Variants in SP3 observed in about 807,000 individuals in gnomAD.
SP3 encodes transcription factor Sp3.
SP3 carries 10 observed loss-of-function variants against 70.3 expected under a neutral mutation model. That is an observed-to-expected ratio of 0.14 (90% CI 0.09 to 0.24). SP3 has a LOEUF of 0.24. Ranked by LOEUF, SP3 falls within the 10% of genes least tolerant of loss-of-function variation. SP3 has a pLI of 1.00. For missense variants in SP3, 825 were observed against 914.6 expected (o/e 0.90, Z 1.26); for synonymous variants, 402 against 333.5 (o/e 1.21, Z -2.24).
At chr2:173,911,842 A>T (rs1192972650) in intron 6 of SP3, among the ~76,000 whole-genome samples, 1 of 113,374 alleles carries the variant, frequency 8.8e-6, no homozygotes, top group Non-Finnish European at 1.8e-5. Flanking sequence ...TTTTTGAGAC[A>T]GGATCTCACT....
chr2:173,927,141 A>G (rs1051335700), intron 4 of SP3, among the ~76,000 whole-genome samples: 8 of 152,090 alleles, frequency 5.3e-5, no homozygotes, highest in African/African-American at 1.9e-4. Context: ...AGACAACACC[A>G]AGGAGGATGG....
intron 4 of SP3, among the ~76,000 whole-genome samples, chr2:173,927,075 G>A (rs76717070): frequency 0.055 from 8,321 of 151,910 alleles, 314 homozygotes; most frequent in Non-Finnish European, 0.082. Context: ...CAGCAAGAGG[G>A]TGGCAAGAGG....
intron 4 of SP3, among the ~76,000 whole-genome samples, chr2:173,930,749 T>G (rs1293279049): frequency 1.3e-5 from 2 of 152,204 alleles, no homozygotes; most frequent in Non-Finnish European, 2.9e-5. Context: ...AATGCCACAG[T>G]TGAAGTTTTT....
At chr2:173,960,545 T>C (rs1691035694) in intron 3 of SP3, among the ~76,000 whole-genome samples, 1 of 152,248 alleles carries the variant, frequency 6.6e-6, no homozygotes, top group Non-Finnish European at 1.5e-5. Context: ...ACAGGTCTTA[T>C]TTTAAATAAT....
intron 4 of SP3, among the ~76,000 whole-genome samples, chr2:173,950,310 G>C (rs1343295247): frequency 6.7e-6 from 1 of 149,370 alleles, no homozygotes; most frequent in Admixed American, 6.6e-5. Flanking sequence ...AAGTTCCAGA[G>C]CCCTGGTTTA....
At chr2:173,930,915 T>C (rs80054885) in intron 4 of SP3, among the ~76,000 whole-genome samples, 200 of 152,280 alleles carry the variant, frequency 1.3e-3, no homozygotes, top group African/African-American at 4.6e-3. Context: ...AAAGGTAAAA[T>C]TAACTTTAAT....
chr2:173,915,607 C>G (rs1689602035), intron 5 of SP3: 1 of 152,096 alleles, frequency 6.6e-6, no homozygotes, highest in Non-Finnish European at 1.5e-5. Flanking sequence ...AGTAAATACA[C>G]TCTCTTCTGC....
At chr2:173,917,472 T>C (rs905552243) in intron 5 of SP3, among the ~76,000 whole-genome samples, 7 of 152,218 alleles carry the variant, frequency 4.6e-5, no homozygotes, top group South Asian at 2.1e-4. Context: ...AACCTCTCTA[T>C]GTCTCACTTC....
At chr2:173,952,589 C>A (rs545379166) in intron 4 of SP3, among the ~76,000 whole-genome samples, 63 of 152,226 alleles carry the variant, frequency 4.1e-4, no homozygotes, top group Non-Finnish European at 6.0e-4. Flanking sequence ...CATTTCCACA[C>A]AAAATACTAC....
chr2:173,961,532 G>A (rs2105506375), intron 3 of SP3, among the ~76,000 whole-genome samples: 1 of 152,332 alleles, frequency 6.6e-6, no homozygotes, highest in Non-Finnish European at 1.5e-5. Flanking sequence ...GGTTAGTAAT[G>A]TCATACCAAT....
Position 173,910,086 on chromosome 2 carries a change from G to T in SP3, c.2201C>A (p.Thr734Lys). The change falls in exon 7 of 7, where the codon ACG (threonine) becomes AAG (lysine). Residue 734 changes from threonine (T) to lysine (K), a missense_variant. Physicochemically the swap from Thr to Lys is moderately conservative, Grantham distance 78. This residue lies in a region of SP3 where 91 missense variants were observed against 97.4 expected (regional missense o/e 0.93). Coordinates refer to ENST00000310015, the MANE Select transcript of SP3 (RefSeq NM_003111.5). ...DDTLITAGGT[T>K]LILANIQQGS... ...TTGTTGAATATTTGCAAGGATAAGC[G>T]TTGTTCCTCCTGCAGTAATCAAAGT... 6.2e-6 allele frequency: 10 copies of T among 1,612,926 alleles called. No individual in the cohort carries two copies. Among genetic ancestry groups the T allele is most frequent in the Non-Finnish European group, 8.5e-6 (10 of 1,179,182 alleles).
rs1161579574 is a variant in SP3 at position 173,954,991 on chromosome 2, A to G, written c.1521T>C (p.Thr507=). 6.2e-7 allele frequency: 1 copy of G among 1,614,202 alleles called. No homozygotes were observed. The highest frequency in any genetic ancestry group is 1.3e-5 in the African/African-American group (1 of 75,062). ...LGQVAAGGAF[T]STPVSLSTGQ... ...CAGTGCTTAGACTAACTGGAGTTGA[A>G]GTGAAGGCTCCACCTGCCGCAACTT... Residue 507 remains threonine (T), a synonymous_variant, in exon 4 of 7, where the codon ACT becomes ACC. Transcript: ENST00000310015.
chr2:173,928,703 CTACCTAAATCATCTCTGCCGTAT>C (rs1574406636), intron 4 of SP3, among the ~76,000 whole-genome samples: 1 of 152,138 alleles, frequency 6.6e-6, no homozygotes, highest in Non-Finnish European at 1.5e-5. Flanking sequence ...CCCGTGTCTG[CTACCTAAATCATCTCTGCCGTAT>C]TACCTATATA....
At position 173,900,839 on chromosome 2, in the gene SP3, G is replaced by A. The variant is rs889697825; in HGVS notation, c.*9102C>T. Among the ~76,000 whole-genome samples, 1 of 152,134 alleles carries A rather than the reference G, an allele frequency of 6.6e-6. No homozygotes were observed. The highest frequency in any genetic ancestry group is 1.5e-5 in the Non-Finnish European group (1 of 68,016). On this transcript the variant is annotated 3_prime_UTR_variant, in exon 7 of 7. Coordinates refer to ENST00000310015, the MANE Select transcript of SP3 (RefSeq NM_003111.5). ...AGACTTGAATTAATGGAGAGATACA[G>A]AATTATCATGGATAGAAAGATAACA... is the stretch of plus-strand genomic sequence containing the variant.
intron 4 of SP3, among the ~76,000 whole-genome samples, chr2:173,930,090 T>C (rs908897670): frequency 1.3e-5 from 2 of 152,194 alleles, no homozygotes; most frequent in African/African-American, 2.4e-5. Flanking sequence ...ATACCTTTAG[T>C]CTCTTTTCCC....
chr2:173,933,354 C>A (rs1290335585), intron 4 of SP3, among the ~76,000 whole-genome samples: 1 of 152,010 alleles, frequency 6.6e-6, no homozygotes, highest in African/African-American at 2.4e-5. Context: ...AATAGCATCA[C>A]AGGGCTAATG....
At position 173,903,751 on chromosome 2, in the gene SP3, T is replaced by C. The variant is rs752761435; in HGVS notation, c.*6190A>G. ...GATACAGCCATCTGTTAAGAGGGCG[T>C]CCTGAAACTGTAGAGGGACTTCTAA... On this transcript the variant is annotated 3_prime_UTR_variant, in exon 7 of 7. Coordinates refer to ENST00000310015, the MANE Select transcript of SP3 (RefSeq NM_003111.5). 6.6e-5 allele frequency among the ~76,000 whole-genome samples: 10 copies of C among 152,150 alleles called. No homozygotes were observed. Among genetic ancestry groups the C allele is most frequent in the Non-Finnish European group, 1.3e-4 (9 of 68,018 alleles).
chr2:173,934,830 TA>T (rs1690167521), intron 4 of SP3, among the ~76,000 whole-genome samples: 1 of 152,290 alleles, frequency 6.6e-6, no homozygotes, highest in Admixed American at 6.5e-5. Context: ...CTTCTAAAAA[TA>T]AATACATTCT....
chr2:173,923,586 T>C (rs972522032), intron 4 of SP3, among the ~76,000 whole-genome samples: 9 of 152,138 alleles, frequency 5.9e-5, no homozygotes, highest in African/African-American at 2.2e-4. Flanking sequence ...ACACGCATAC[T>C]TAATTTAAAT....
Sources: gnomAD v4.1 joint callset for allele counts (sites outside exome capture counted in the v4.1 genomes callset) on GRCh38, gnomAD v4.1.1 for gene constraint, gnomAD v4.1.1 regional missense constraint, MANE v1.5 for transcripts, NCBI Gene and HGNC (gene_info 2026-07-23, HGNC 2026-07-21) for gene names.